The following MTM1 variants were observed in gnomAD, a reference collection of about 807,000 sequenced individuals.
The protein encoded by MTM1 is myotubularin.
MTM1 carries 9 observed loss-of-function variants against 52.1 expected under a neutral mutation model. That is an observed-to-expected ratio of 0.17 (90% confidence interval 0.10 to 0.30). The LOEUF is 0.30. Ranked by LOEUF, MTM1 falls within the 10% of genes least tolerant of loss-of-function variation. MTM1 has a pLI of 1.00. For synonymous variants in MTM1, 136 were observed against 163.8 expected (o/e 0.83, Z 1.29); for missense variants, 277 against 470.7 (o/e 0.59, Z 3.81).
chrX:150,597,588 G>C (rs782228667), intron 3 of MTM1, among the ~76,000 whole-genome samples: 63 of 111,905 alleles, frequency 5.6e-4, no homozygotes, highest in African/African-American at 1.9e-3. Context: ...AACTTGAAGA[G>C]AAAGGGATTT....
intron 9 of MTM1, among the ~76,000 whole-genome samples, chrX:150,647,194 A>AATAT (rs59931479): frequency 0.054 from 4,488 of 83,661 alleles, 160 homozygotes; most frequent in African/African-American, 0.11. Context: ...TTTCAGGGTG[A>AATAT]ATATATATAT....
intron 10 of MTM1, among the ~76,000 whole-genome samples, chrX:150,657,351 T>C (rs1233413713): frequency 9.1e-6 from 1 of 109,690 alleles, no homozygotes; most frequent in East Asian, 2.9e-4. Context: ...GAAACCATCA[T>C]TCTCAGCAAA....
chrX:150,607,693 T>C (rs2039193178), intron 4 of MTM1, among the ~76,000 whole-genome samples: 1 of 111,748 alleles, frequency 8.9e-6, no homozygotes, highest in African/African-American at 3.3e-5. Context: ...TTCTCCATTG[T>C]CAGTTGCTTT....
chrX:150,641,286 T>C lies in MTM1; in HGVS notation c.546T>C (p.His182=), dbSNP rs782217349. 9.1e-6 allele frequency: 11 copies of C among 1,209,489 alleles called. No homozygotes were observed. In the East Asian group the frequency reaches 2.7e-4, roughly 29 times the overall value. ...EYRRQGLPNH[H]WRITFINKCY... Reference sequence around the variant, plus strand: ...CCTCACAGGGCTTGCCCAATCACCATTGGAGAATAACTTTTATTAATAAGT... The same window carrying C: ...CCTCACAGGGCTTGCCCAATCACCACTGGAGAATAACTTTTATTAATAAGT... The change falls in exon 8 of 15, where the codon CAT becomes CAC. Residue 182 remains histidine, a synonymous_variant. Transcript: ENST00000370396.
At chrX:150,602,571 AT>A (rs1260548470) in intron 4 of MTM1, among the ~76,000 whole-genome samples, 6 of 112,308 alleles carry the variant, frequency 5.3e-5, no homozygotes, top group African/African-American at 1.9e-4. Context: ...CTCCTGCTAC[AT>A]TGTGGCATCT....
chrX:150,585,180 C>T (rs1253984560), intron 1 of MTM1, among the ~76,000 whole-genome samples: 2 of 111,298 alleles, frequency 1.8e-5, no homozygotes. Context: ...CATATGCCAA[C>T]GAAGCCCCTG....
intron 6 of MTM1, among the ~76,000 whole-genome samples, chrX:150,624,087 A>C (rs1278615400): frequency 1.8e-5 from 2 of 111,083 alleles, no homozygotes; most frequent in Non-Finnish European, 3.8e-5. Flanking sequence ...TTCACCACTC[A>C]GTGTTTTCAA....
intron 1 of MTM1, among the ~76,000 whole-genome samples, chrX:150,589,441 C>T (rs1355835016): frequency 9.0e-6 from 1 of 111,381 alleles, no homozygotes; most frequent in Non-Finnish European, 1.9e-5. Flanking sequence ...TGCTTTAAAG[C>T]CAAGGTAGCC....
At chrX:150,644,845 G>C (rs1184471387) in intron 8 of MTM1, among the ~76,000 whole-genome samples, 2 of 111,218 alleles carry the variant, frequency 1.8e-5, no homozygotes, top group African/African-American at 3.3e-5. Flanking sequence ...CCACGGCAGA[G>C]ATGGCACTAG....
At chrX:150,615,415 T>C (rs1425690524) in intron 5 of MTM1, among the ~76,000 whole-genome samples, 1 of 110,790 alleles carries the variant, frequency 9.0e-6, no homozygotes, top group Non-Finnish European at 1.9e-5. Flanking sequence ...ATTTTAGGCT[T>C]TGTGGGCCAC....
intron 10 of MTM1, among the ~76,000 whole-genome samples, chrX:150,654,340 A>G (rs1470873361): frequency 9.0e-6 from 1 of 110,815 alleles, no homozygotes; most frequent in African/African-American, 3.3e-5. Flanking sequence ...CCCCAACTTC[A>G]TTAAATTGGA....
At chrX:150,652,696 T>C (rs112585421) in intron 10 of MTM1, among the ~76,000 whole-genome samples, 687 of 68,299 alleles carry the variant, frequency 0.01, 4 homozygotes, top group Non-Finnish European at 0.016. Context: ...CACACACACA[T>C]ACATACAGAA....
chrX:150,575,006 T>G (rs1216766791), intron 1 of MTM1, among the ~76,000 whole-genome samples: 1 of 112,237 alleles, frequency 8.9e-6, no homozygotes, highest in African/African-American at 3.2e-5. Flanking sequence ...CCCAGGCAAG[T>G]CTGACTTCTG....
intron 4 of MTM1, among the ~76,000 whole-genome samples, chrX:150,604,722 C>T (rs2039125280): frequency 9.0e-6 from 1 of 111,079 alleles, no homozygotes; most frequent in African/African-American, 3.3e-5. Flanking sequence ...AGCTAGGCCT[C>T]CCTGACTTCT....
intron 6 of MTM1, among the ~76,000 whole-genome samples, chrX:150,635,294 A>G (rs2039736884): frequency 8.9e-6 from 1 of 112,187 alleles, no homozygotes; most frequent in Admixed American, 9.4e-5. Context: ...CCATTTAGCA[A>G]ACAAGACGCG....
At chrX:150,630,202 C>T (rs969366193) in intron 6 of MTM1, among the ~76,000 whole-genome samples, 3 of 111,811 alleles carry the variant, frequency 2.7e-5, no homozygotes, top group Non-Finnish European at 5.6e-5. Flanking sequence ...AAGCGATTTT[C>T]GTGCCTCAGC....
At position 150,604,208 on chromosome X, in the gene MTM1, G is replaced by A. The variant is rs969368632; in HGVS notation, c.231+5522G>A. On this transcript the variant is annotated intron_variant, in intron 4 of 14. Transcript: ENST00000370396. Reference sequence around the variant, plus strand: ...CTTCCAGGCCTCAGCAAGCTGCTCTGCATTTATTCTTCTCCCCGTGGCTTT... The same window carrying A: ...CTTCCAGGCCTCAGCAAGCTGCTCTACATTTATTCTTCTCCCCGTGGCTTT... Among the ~76,000 whole-genome samples, 9 of 111,462 alleles carry A rather than the reference G, an allele frequency of 8.1e-5. No homozygotes were observed. In the East Asian group the frequency reaches 2.3e-3, roughly 28 times the overall value.
intron 10 of MTM1, among the ~76,000 whole-genome samples, chrX:150,652,662 C>CATATATATATAT (rs2040045604): frequency 4.9e-5 from 2 of 40,733 alleles, no homozygotes; most frequent in African/African-American, 4.5e-4. Flanking sequence ...TATATATACA[C>CATATATATATAT]ACACACACAC....
At chrX:150,562,708 T>C in the MTM1 span, among the ~76,000 whole-genome samples, 2 of 111,923 alleles carry the variant, frequency 1.8e-5, no homozygotes, top group African/African-American at 6.5e-5. Flanking sequence ...ATTACTTGGC[T>C]CAAACTTCCA....
Sources: gnomAD v4.1 joint callset for allele counts (sites outside exome capture counted in the v4.1 genomes callset) on GRCh38, gnomAD v4.1.1 for gene constraint, MANE v1.5 for transcripts, NCBI Gene and HGNC (gene_info 2026-07-23, HGNC 2026-07-21) for gene names.